DIABLO: variants seen among roughly 807,000 people sequenced by gnomAD.
The protein encoded by DIABLO is diablo IAP-binding mitochondrial protein.
A neutral mutation model predicts 31.7 loss-of-function variants in DIABLO; 32 were observed. The observed-to-expected ratio is 1.01, with a 90% CI of 0.76 to 1.35. DIABLO has a LOEUF of 1.35. Among genes scored for constraint, DIABLO ranks in the 40% most tolerant of loss-of-function variants. The pLI is 0.00. For missense variants in DIABLO, 316 were observed against 286.4 expected, an observed-to-expected ratio of 1.10 and a Z score of -0.75; for synonymous variants, 132 against 103.2, an observed-to-expected ratio of 1.28 and a Z score of -1.69.
chr12:122,208,758 C>G (rs1954004006), intron 5 of DIABLO, 181 bp from the exon 6 acceptor site: 1 of 710,516 alleles, frequency 1.4e-6, no homozygotes, highest in Non-Finnish European at 2.5e-6. Flanking sequence ...CTGGATTTAA[C>G]TGACACTCTG....
At chr12:122,211,788 T>C (rs777498087) in intron 5 of DIABLO, among the ~76,000 whole-genome samples, 3 of 152,180 alleles carry the variant, frequency 2.0e-5, no homozygotes, top group Non-Finnish European at 4.4e-5. Flanking sequence ...ACATCTCAGA[T>C]CTCCTTGTAA....
intron 2 of DIABLO, among the ~76,000 whole-genome samples, chr12:122,220,132 G>A (rs893994535): frequency 6.6e-6 from 1 of 151,724 alleles, no homozygotes; most frequent in African/African-American, 2.4e-5. Context: ...ATTTAGTAGA[G>A]ATGGGGTTTC....
intron 1 of DIABLO, 41 bp downstream of exon 1, chr12:122,225,924 C>G: frequency 1.3e-6 from 2 of 1,563,864 alleles, no homozygotes; most frequent in Non-Finnish European, 1.7e-6. Context: ...GCGTCGGTCC[C>G]TCCCTCTGGT....
rs541496011 is a variant in DIABLO at position 122,207,757 on chromosome 12, G to C, written c.*624C>G. The C allele has an allele frequency of 4.2e-6, 2 of 481,476 alleles. No homozygotes were observed. Among genetic ancestry groups the C allele is most frequent in the Admixed American group, 2.3e-5 (1 of 43,320 alleles). The allele number at this position is 481,476 out of a possible 1,614,324, so 29.8% of individuals were successfully genotyped here. ...CAATAGAGAAACGGAAAGAAAGGAA[G>C]GAACAAGAGGCCTGTGTTAAGTCCT... is the stretch of plus-strand genomic sequence containing the variant. On this transcript the variant is annotated 3_prime_UTR_variant, in exon 6 of 6. Coordinates refer to ENST00000464942, the MANE Select transcript of DIABLO (RefSeq NM_001371333.1).
At chr12:122,218,939 A>C in intron 2 of DIABLO, among the ~76,000 whole-genome samples, 1 of 142,802 alleles carries the variant, frequency 7.0e-6, no homozygotes, top group Non-Finnish European at 1.5e-5. Flanking sequence ...AGACTAAAAA[A>C]AAAAAAAAAA....
chr12:122,214,883 G>A (rs1426056414), intron 5 of DIABLO, among the ~76,000 whole-genome samples: 1 of 152,066 alleles, frequency 6.6e-6, no homozygotes, highest in East Asian at 1.9e-4. Context: ...TAGAGACAGG[G>A]TTTCACCACG....
rs997574286 is a variant in DIABLO, at chr12:122,222,260, T to G, written c.183+2252A>C. ...TCCTTTCAAAACCCACTCCTCTCCA[T>G]CCTACTAAATGGCATCGCCATTCAT... On this transcript the variant is annotated intron_variant, in intron 2 of 5. Coordinates refer to ENST00000464942, the MANE Select transcript of DIABLO (RefSeq NM_001371333.1). The G allele has an allele frequency of 9.2e-5, 14 of 152,166 alleles. 1 individual carries two copies. Among genetic ancestry groups the G allele is most frequent in the African/African-American group, 2.2e-4 (9 of 41,444 alleles). 9.4% of individuals were successfully genotyped at this position (152,166 alleles called of 1,614,324 possible). A position where few individuals can be genotyped will look rare whatever the true frequency, so the allele number is the denominator to read the frequency against.
chr12:122,208,742 T>A (rs914002329), intron 5 of DIABLO, 165 bp from the exon 6 acceptor site: 12 of 740,728 alleles, frequency 1.6e-5, no homozygotes, highest in Non-Finnish European at 2.4e-5. Flanking sequence ...ACCTCTATGT[T>A]CAGGTCTGGA....
intron 5 of DIABLO, among the ~76,000 whole-genome samples, chr12:122,215,321 G>A (rs948956645): frequency 2.6e-5 from 4 of 152,024 alleles, no homozygotes; most frequent in Non-Finnish European, 5.9e-5. Context: ...GCTCATGCCT[G>A]TAATCCCAGC....
At chr12:122,226,348 A>T (rs528465235), upstream of DIABLO, 1 of 425,936 alleles carries the variant, frequency 2.3e-6, no homozygotes, top group African/African-American at 4.0e-5. Context: ...CTTGAAGGGA[A>T]TTTCCTGGTG....
intron 2 of DIABLO, chr12:122,222,570 C>CAAAAAAAAAAA (rs745345652): frequency 1.1e-5 from 1 of 88,686 alleles, no homozygotes; most frequent in African/African-American, 3.1e-5. Context: ...ACTCCGTCTC[C>CAAAAAAAAAAA]AAAAAAAAAA....
At chr12:122,216,625 T>G in intron 4 of DIABLO, 41 bp from the exon 5 acceptor site, 1 of 1,594,474 alleles carries the variant, frequency 6.3e-7, no homozygotes, top group Non-Finnish European at 8.6e-7. Context: ...GCATAAGAGG[T>G]CTAGCCCATT....
chr12:122,210,047 GAGA>G (rs1256574563), intron 5 of DIABLO, among the ~76,000 whole-genome samples: 1 of 152,134 alleles, frequency 6.6e-6, no homozygotes, highest in African/African-American at 2.4e-5. Context: ...ATATTTGTTT[GAGA>G]AGGAGTCTCA....
At position 122,216,473 on chromosome 12, in the gene DIABLO, A is replaced by C; in HGVS notation, c.523+15T>G. 1 of 1,608,290 alleles carries C rather than the reference A, an allele frequency of 6.2e-7. No homozygotes were observed. Among genetic ancestry groups the C allele is most frequent in the Non-Finnish European group, 8.5e-7 (1 of 1,176,686 alleles). ...AAAAATTAAAAAAAAAACCCAACAC[A>C]AAACTTGAACCTACCAGTTTGATAT... On this transcript the variant is annotated intron_variant, in intron 5 of 5. Coordinates refer to ENST00000464942, the MANE Select transcript of DIABLO (RefSeq NM_001371333.1).
intron 1 of DIABLO, chr12:122,225,379 CTT>C (rs1019853536): frequency 6.2e-5 from 61 of 990,556 alleles, no homozygotes; most frequent in Non-Finnish European, 6.4e-5. Context: ...AGAGGCAGAT[CTT>C]GTCTCAAAAA....
At chr12:122,225,743 C>T in intron 1 of DIABLO, 8 of 1,433,082 alleles carry the variant, frequency 5.6e-6, no homozygotes, top group Non-Finnish European at 6.4e-6. Flanking sequence ...CTCGGGGACT[C>T]GTTTCTAGAA....
At position 122,208,444 on chromosome 12, in the gene DIABLO, T is replaced by C. The variant is rs1373975846; in HGVS notation, c.657A>G (p.Lys219=). Residue 219 remains lysine, a synonymous_variant, in exon 6 of 6, where the codon AAA becomes AAG. Transcript: ENST00000464942. ...AEAQIEELRQ[K]TQEEGEERAE... ...CCCGCTCCTCCCCTTCCTCCTGTGT[T>C]TTCTGACGGAGCTCTTCTATCTGTG... 3 of 1,613,956 alleles carry C rather than the reference T, an allele frequency of 1.9e-6. No individual in the cohort carries two copies. Among genetic ancestry groups the C allele is most frequent in the East Asian group, 2.2e-5 (1 of 44,904 alleles).
At position 122,216,839 on chromosome 12, in the gene DIABLO, G is replaced by C. The variant is rs1271246337; in HGVS notation, c.346C>G (p.Gln116Glu). 7.4e-6 allele frequency: 12 copies of C among 1,614,030 alleles called. No homozygotes were observed. The highest frequency in any genetic ancestry group is 1.0e-5 in the Non-Finnish European group (12 of 1,180,004). Residue 116 changes from glutamine to glutamate, a missense_variant, in exon 4 of 6, where the codon CAA (glutamine) becomes GAA (glutamate). Physicochemically the swap from Gln to Glu is conservative, Grantham distance 29 (BLOSUM62 2). Coordinates refer to ENST00000464942, the MANE Select transcript of DIABLO (RefSeq NM_001371333.1). ...AVYTLTSLYR[Q>E]YTSLLGKMNS... ...ATTTTCCCAAGTAAACTTGTATATT[G>C]TCGGTAAAGAGAAGTTAAGGTATAA...
At chr12:122,223,929 T>C (rs949849252) in intron 2 of DIABLO, among the ~76,000 whole-genome samples, 2 of 152,098 alleles carry the variant, frequency 1.3e-5, no homozygotes, top group Non-Finnish European at 2.9e-5. Context: ...GCCTCCTGAG[T>C]AGTTGCCACT....
Sources: allele counts gnomAD v4.1 joint callset (sites outside exome capture counted in the v4.1 genomes callset), GRCh38; gene constraint gnomAD v4.1.1; transcripts MANE v1.5; gene names NCBI Gene and HGNC (gene_info 2026-07-23, HGNC 2026-07-21).